TOX2: variants seen among roughly 807,000 people sequenced by gnomAD.
TOX2 encodes the protein granulosa cell HMG box 1.
In TOX2, 15 loss-of-function variants were observed where a neutral mutation model predicts 47.4. The ratio of observed to expected loss-of-function variants is 0.32; its 90% CI spans 0.21 to 0.49. The LOEUF (loss-of-function observed/expected upper bound fraction) is 0.49. Ranked by LOEUF, TOX2 falls within the 20% of genes least tolerant of loss-of-function variation. TOX2 has a pLI of 0.99. For synonymous variants in TOX2, 290 were observed against 296.6 expected, an observed-to-expected ratio of 0.98 and a Z score of 0.23; for missense variants, 622 against 673.1, an observed-to-expected ratio of 0.92 and a Z score of 0.84.
chr20:44,050,059 T>A (rs138901330), intron 3 of TOX2, among the ~76,000 whole-genome samples: 153 of 152,326 alleles, frequency 1.0e-3, no homozygotes, highest in East Asian at 5.2e-3. Context: ...GAACAACTCT[T>A]GGATCAAAGA....
chr20:43,950,977 T>A (rs1341786341), intron 1 of TOX2, among the ~76,000 whole-genome samples: 6 of 151,276 alleles, frequency 4.0e-5, no homozygotes, highest in Admixed American at 3.9e-4. Context: ...CAGGCTAGAT[T>A]TTGGGGTGAG....
chr20:43,944,576 C>T lies in TOX2; in HGVS notation c.100-28791C>T, dbSNP rs550425261. On this transcript the variant is annotated intron_variant, in intron 1 of 8. Transcript: ENST00000341197. ...CAGCCTCTCCCTCCTCCTGCAGACA[C>T]GCTGGGCACCAGCCCCCTTTATCAC... Among the ~76,000 whole-genome samples the T allele has an allele frequency of 9.2e-5, 14 of 152,276 alleles. No homozygotes were observed. In the South Asian group the frequency reaches 2.1e-3, roughly 23 times the overall value.
intron 3 of TOX2, among the ~76,000 whole-genome samples, chr20:44,015,110 G>A (rs895264754): frequency 2.0e-5 from 3 of 151,960 alleles, no homozygotes; most frequent in Non-Finnish European, 2.9e-5. Context: ...CGTCCCTCTG[G>A]GGATGGAAGT....
intron 1 of TOX2, among the ~76,000 whole-genome samples, chr20:43,931,748 G>A (rs1297942716): frequency 6.6e-6 from 1 of 152,236 alleles, no homozygotes; most frequent in Non-Finnish European, 1.5e-5. Context: ...GGTGGTGCCT[G>A]TGGCTCAGGG....
intron 1 of TOX2, among the ~76,000 whole-genome samples, chr20:43,926,502 G>C (rs1308049970): frequency 6.6e-6 from 1 of 152,140 alleles, no homozygotes; most frequent in Non-Finnish European, 1.5e-5. Flanking sequence ...CTGTGGGAGA[G>C]CAAGTAAGTC....
chr20:44,064,010 G>T (rs887395102), intron 5 of TOX2, among the ~76,000 whole-genome samples: 2 of 152,178 alleles, frequency 1.3e-5, no homozygotes, highest in African/African-American at 4.8e-5. Flanking sequence ...TGGGGAAAAG[G>T]ATGGTAGTGA....
intron 3 of TOX2, among the ~76,000 whole-genome samples, chr20:44,035,734 C>T (rs1345466930): frequency 3.3e-5 from 5 of 152,188 alleles, no homozygotes; most frequent in Non-Finnish European, 7.3e-5. Context: ...CTTGAATGTG[C>T]TGGGTAATGG....
intron 3 of TOX2, among the ~76,000 whole-genome samples, 193 bp from the exon 4 acceptor site, chr20:44,051,113 A>C (rs1397481904): frequency 1.3e-5 from 2 of 152,186 alleles, no homozygotes; most frequent in East Asian, 3.9e-4. Context: ...CCGGTTTCCC[A>C]CGAGTGCACT....
intron 4 of TOX2, among the ~76,000 whole-genome samples, chr20:44,052,820 A>G (rs923986171): frequency 6.6e-6 from 1 of 152,156 alleles, no homozygotes; most frequent in Non-Finnish European, 1.5e-5. Flanking sequence ...GGTGCAGTCC[A>G]GTGTATGTGC....
intron 2 of TOX2, among the ~76,000 whole-genome samples, chr20:43,994,151 G>A (rs556837694): frequency 3.5e-4 from 52 of 150,550 alleles, no homozygotes; most frequent in Admixed American, 6.6e-4. Flanking sequence ...ACCCTGTCTC[G>A]AAAAAGAAAA....
At position 43,955,226 on chromosome 20, in the gene TOX2, A is replaced by G. The variant is rs1434517146; in HGVS notation, c.100-18141A>G. 4 of 985,336 alleles carry G rather than the reference A, an allele frequency of 4.1e-6. No individual in the cohort carries two copies. The African/African-American group carries it at 5.2e-5, about 13-fold the overall frequency. The allele number at this position is 985,336 out of a possible 1,614,324, so 61.0% of individuals were successfully genotyped here. The stretch of plus-strand genomic sequence containing the variant: ...CATTACTTTTCTGAAATTCAAACAA[A>G]TTCTGAAACTGCACGAGTTCTGGCT... On this transcript the variant is annotated intron_variant, in intron 1 of 8. Transcript: ENST00000341197.
chr20:44,021,103 C>T (rs916418760), intron 3 of TOX2, among the ~76,000 whole-genome samples: 11 of 152,112 alleles, frequency 7.2e-5, no homozygotes, highest in South Asian at 4.2e-4. Context: ...CTAAGAAGAA[C>T]CAGGAACAAA....
chr20:44,053,217 T>A (rs989922563), intron 4 of TOX2, among the ~76,000 whole-genome samples: 2 of 152,138 alleles, frequency 1.3e-5, no homozygotes, highest in African/African-American at 4.8e-5. Context: ...AAGTCAAGTG[T>A]TCACAGGATC....
In TOX2 at chr20:43,916,784, G is replaced by T. The variant is rs926030284; in HGVS notation, c.99+1794G>T. ...GTGCCTCAAAGTCTGAGTGGGTGGG[G>T]GTTTAGCCTGGAGCGCTCCGTTTGA... On this transcript the variant is annotated intron_variant, in intron 1 of 8. Coordinates refer to ENST00000341197, the MANE Select transcript of TOX2 (RefSeq NM_001098797.2). This position sits in a 1 kb window ranked among gnomAD's most constrained non-coding sequence, Gnocchi z 5.0. Among the ~76,000 whole-genome samples the T allele has an allele frequency of 1.3e-5, 2 of 152,166 alleles. No homozygotes were observed. The highest frequency in any genetic ancestry group is 2.4e-5 in the African/African-American group (1 of 41,428).
intron 3 of TOX2, among the ~76,000 whole-genome samples, chr20:44,012,224 C>G (rs1490371063): frequency 6.6e-6 from 1 of 152,182 alleles, no homozygotes; most frequent in African/African-American, 2.4e-5. Context: ...TCTGTTAAGT[C>G]TGAAATCATT....
chr20:43,945,783 C>A, intron 1 of TOX2: 1 of 1,334,430 alleles, frequency 7.5e-7, no homozygotes, highest in South Asian at 1.3e-5. Flanking sequence ...ACAGGTTTTT[C>A]CATTTCACCT....
At chr20:43,948,358 G>T (rs910907) in intron 1 of TOX2, among the ~76,000 whole-genome samples, 20,060 of 152,202 alleles carry the variant, frequency 0.13, 1,584 homozygotes, top group East Asian at 0.27. Context: ...CAGAAGAAGA[G>T]TCCAGGCTGA....
At chr20:43,984,400 A>G (rs1400064068) in intron 2 of TOX2, among the ~76,000 whole-genome samples, 1 of 152,230 alleles carries the variant, frequency 6.6e-6, no homozygotes, top group Non-Finnish European at 1.5e-5. Context: ...TTGAGTATAT[A>G]TGTCAGATTG....
chr20:43,922,214 C>G (rs1232979129), intron 1 of TOX2, among the ~76,000 whole-genome samples: 1 of 152,188 alleles, frequency 6.6e-6, no homozygotes. Flanking sequence ...TGTTTCCCAG[C>G]CTCGGCGCTA....
Sources: allele counts gnomAD v4.1 joint callset (sites outside exome capture counted in the v4.1 genomes callset), GRCh38; gene constraint gnomAD v4.1.1; non-coding constraint Gnocchi (gnomAD v3.1); transcripts MANE v1.5; gene names NCBI Gene and HGNC (gene_info 2026-07-23, HGNC 2026-07-21).